SGCZ: variants seen among roughly 807,000 people sequenced by gnomAD.
SGCZ encodes sarcoglycan zeta.
SGCZ carries 40 observed loss-of-function variants against 41.3 expected under a neutral mutation model. The ratio of observed to expected loss-of-function variants is 0.97; its 90% CI spans 0.75 to 1.26. SGCZ has a LOEUF of 1.26. SGCZ is among the 50% of genes most tolerant of loss of function. The pLI is 0.00. For synonymous variants in SGCZ, 206 were observed against 137.5 expected, an observed-to-expected ratio of 1.50 and a Z score of -3.49; for missense variants, 552 against 369.8, an observed-to-expected ratio of 1.49 and a Z score of -4.04.
At chr8:14,375,265 T>G (rs1470582102) in intron 2 of SGCZ, among the ~76,000 whole-genome samples, 1 of 152,154 alleles carries the variant, frequency 6.6e-6, no homozygotes, top group East Asian at 1.9e-4. Context: ...ACGGTAGCTG[T>G]TTTTAAAGCA....
At chr8:14,227,004 C>T (rs1806395136) in intron 4 of SGCZ, among the ~76,000 whole-genome samples, 2 of 152,144 alleles carry the variant, frequency 1.3e-5, no homozygotes, top group South Asian at 2.1e-4. Flanking sequence ...ACCTATAATA[C>T]TCTAGTGTGC....
intron 3 of SGCZ, among the ~76,000 whole-genome samples, chr8:14,266,358 A>G (rs725945): frequency 0.26 from 38,851 of 152,012 alleles, 6,358 homozygotes; most frequent in Non-Finnish European, 0.37. Flanking sequence ...CAATATGATG[A>G]TAATATGTTT....
chr8:14,725,076 C>A (rs1810007419), intron 1 of SGCZ, among the ~76,000 whole-genome samples: 1 of 152,174 alleles, frequency 6.6e-6, no homozygotes, highest in African/African-American at 2.4e-5. Flanking sequence ...TTAGCTCCCA[C>A]ATATGAGTGA....
intron 2 of SGCZ, among the ~76,000 whole-genome samples, chr8:14,399,250 C>A (rs1477916731): frequency 6.6e-6 from 1 of 152,030 alleles, no homozygotes. Flanking sequence ...TTGTATAATA[C>A]TTATTGTTTG....
chr8:14,348,238 G>A (rs1419773806), intron 2 of SGCZ, among the ~76,000 whole-genome samples: 1 of 152,086 alleles, frequency 6.6e-6, no homozygotes, highest in Non-Finnish European at 1.5e-5. Context: ...CCCATACCAA[G>A]ATTCCCCTTT....
At chr8:14,092,917 A>G (rs1442853035) in intron 7 of SGCZ, among the ~76,000 whole-genome samples, 1 of 70,118 alleles carries the variant, frequency 1.4e-5, no homozygotes, top group Non-Finnish European at 5.6e-5. Context: ...TCCATGAAAC[A>G]TATTACCTAT....
At chr8:14,764,157 T>C (rs1050072001) in intron 1 of SGCZ, among the ~76,000 whole-genome samples, 3 of 152,200 alleles carry the variant, frequency 2.0e-5, no homozygotes, top group Admixed American at 2.0e-4. Flanking sequence ...GAGTTTGTCC[T>C]AGACAAAGAG....
chr8:14,954,502 T>G (rs1001048461), intron 1 of SGCZ, among the ~76,000 whole-genome samples: 1 of 152,178 alleles, frequency 6.6e-6, no homozygotes, highest in Admixed American at 6.6e-5. Context: ...GGCAAAGTTA[T>G]GTAATGCAGC....
intron 5 of SGCZ, among the ~76,000 whole-genome samples, chr8:14,154,391 C>A (rs1803813558): frequency 1.3e-5 from 2 of 151,622 alleles, no homozygotes; most frequent in African/African-American, 4.9e-5. Context: ...ACAGCAACAA[C>A]AAAAAAAAAC....
Position 14,656,373 on chromosome 8 carries a change from GTTT to G in SGCZ, c.40-101450_40-101448del, listed in dbSNP as rs1807571293. Among the ~76,000 whole-genome samples the G allele has an allele frequency of 2.8e-5, 4 of 142,924 alleles. No homozygotes were observed. In the Admixed American group the frequency reaches 2.9e-4, roughly 10 times the overall value. The allele number at this position is 142,924 out of a possible 152,430, so 93.8% of individuals were successfully genotyped here. On this transcript the variant is annotated intron_variant, in intron 1 of 7. Transcript: ENST00000382080. ...CTCCTTCCTTCTTCCTTTTCTTTTC[GTTT>G]TTTCTTCTTTTTCTCCCTTTCTCTT...
intron 2 of SGCZ, among the ~76,000 whole-genome samples, chr8:14,354,433 G>A (rs896036587): frequency 1.1e-4 from 16 of 151,760 alleles, no homozygotes; most frequent in African/African-American, 3.9e-4. Context: ...TATTTTCTAA[G>A]GAAAAGTGGG....
intron 2 of SGCZ, among the ~76,000 whole-genome samples, chr8:14,511,369 C>A (rs1049998400): frequency 4.6e-5 from 7 of 151,658 alleles, no homozygotes; most frequent in Admixed American, 3.9e-4. Flanking sequence ...CCCAATAGGC[C>A]CACTGCACAG....
At chr8:14,223,330 A>T (rs1337447862) in intron 4 of SGCZ, among the ~76,000 whole-genome samples, 2 of 152,106 alleles carry the variant, frequency 1.3e-5, no homozygotes, top group African/African-American at 4.8e-5. Context: ...TTTCATCATC[A>T]CTAGTATTTT....
chr8:14,601,135 T>C (rs1805577415), intron 1 of SGCZ, among the ~76,000 whole-genome samples: 1 of 151,730 alleles, frequency 6.6e-6, no homozygotes, highest in Non-Finnish European at 1.5e-5. Flanking sequence ...TGATTATTTT[T>C]CTGCTAATAT....
At chr8:14,458,349 G>A (rs765250235) in intron 2 of SGCZ, among the ~76,000 whole-genome samples, 2 of 152,072 alleles carry the variant, frequency 1.3e-5, no homozygotes, top group Non-Finnish European at 2.9e-5. Flanking sequence ...TAATGCCAAA[G>A]ACAAAAATGA....
intron 1 of SGCZ, among the ~76,000 whole-genome samples, chr8:15,104,161 A>T (rs1033635196): frequency 6.6e-6 from 1 of 152,162 alleles, no homozygotes; most frequent in African/African-American, 2.4e-5. Context: ...CAACTTATCA[A>T]ATGGTTCTGG....
At chr8:14,354,015 C>A (rs1803199260) in intron 2 of SGCZ, among the ~76,000 whole-genome samples, 1 of 152,068 alleles carries the variant, frequency 6.6e-6, no homozygotes, top group Admixed American at 6.6e-5. Flanking sequence ...ATTCTCTCAA[C>A]AATTGTATTA....
At chr8:14,520,840 C>T (rs1412629692) in intron 2 of SGCZ, among the ~76,000 whole-genome samples, 2 of 152,046 alleles carry the variant, frequency 1.3e-5, no homozygotes, top group Admixed American at 6.6e-5. Flanking sequence ...TTCTCACGCT[C>T]TCTAATAACA....
At chr8:14,466,770 C>A (rs960924471) in intron 2 of SGCZ, among the ~76,000 whole-genome samples, 2 of 151,768 alleles carry the variant, frequency 1.3e-5, no homozygotes, top group African/African-American at 4.8e-5. Context: ...GTTCCAGTTA[C>A]CGTAGTTTTC....
Sources: gnomAD v4.1 joint callset for allele counts (sites outside exome capture counted in the v4.1 genomes callset) on GRCh38, gnomAD v4.1.1 for gene constraint, MANE v1.5 for transcripts, NCBI Gene and HGNC (gene_info 2026-07-23, HGNC 2026-07-21) for gene names.